ADD1: variants seen among roughly 807,000 people sequenced by gnomAD.
ADD1 encodes the protein adducin 1.
ADD1 carries 24 observed loss-of-function variants against 80.5 expected under a neutral mutation model. That is an observed-to-expected ratio of 0.30 (90% CI 0.22 to 0.42). The LOEUF (loss-of-function observed/expected upper bound fraction) is 0.42, where lower values mean the gene tolerates loss of function less well. Among genes scored for constraint, ADD1 ranks in the 10% least tolerant of loss-of-function variants. The pLI, the probability that ADD1 is intolerant of heterozygous loss-of-function variation, is 1.00. For missense variants in ADD1, 948 were observed against 1,019.0 expected (o/e 0.93, Z 0.95); for synonymous variants, 373 against 393.8 (o/e 0.95, Z 0.63).
intron 1 of ADD1, 154 bp downstream of exon 1, chr4:2,844,178 G>T: frequency 6.6e-6 from 1 of 151,652 alleles, no homozygotes; most frequent in South Asian, 1.8e-4. Context: ...GCGGCGCCGA[G>T]GGCGTCTTGG....
chr4:2,898,905 C>T lies in ADD1; in HGVS notation c.985-354C>T, dbSNP rs142112847. ...CAGAAGTAGAGACTCAGAGACTTGC[C>T]TGCAGCTTACAGCTGTGAGTTCCCC... is the stretch of plus-strand genomic sequence containing the variant. On this transcript the variant is annotated intron_variant, in intron 8 of 15. Coordinates refer to ENST00000683351, the MANE Select transcript of ADD1 (RefSeq NM_001354761.2). 2.2e-4 allele frequency: 85 copies of T among 380,186 alleles called. 1 individual carries two copies. The Middle Eastern group carries it at 8.6e-3, about 39-fold the overall frequency. 23.6% of individuals were successfully genotyped at this position (380,186 alleles called of 1,614,324 possible).
intron 9 of ADD1, chr4:2,900,218 C>T (rs16843553): frequency 0.019 from 2,902 of 152,866 alleles, 59 homozygotes; most frequent in African/African-American, 0.046. Context: ...ATGCAACGTA[C>T]GGTGCACCTT....
At position 2,928,158 on chromosome 4, in the gene ADD1, C is replaced by T. The variant is rs77329634; in HGVS notation, c.2048-13C>T. 8.7e-6 allele frequency: 14 copies of T among 1,612,748 alleles called. No homozygotes were observed. The East Asian group carries it at 1.6e-4, about 18-fold the overall frequency. ...CAGGAACCCTTAATCCCATCTCTCA[C>T]CTCACCCACTAGACCTTGTGCCGGA... is the stretch of plus-strand genomic sequence containing the variant. On this transcript the variant is annotated splice_polypyrimidine_tract_variant and intron_variant, in intron 15 of 15. Coordinates refer to ENST00000683351, the MANE Select transcript of ADD1 (RefSeq NM_001354761.2).
In ADD1 at chr4:2,914,720, A is replaced by G. The variant is rs151240511; in HGVS notation, c.1792-164A>G. 5.2e-5 allele frequency: 36 copies of G among 694,616 alleles called. No individual in the cohort carries two copies. In the East Asian group the frequency reaches 9.5e-4, roughly 18 times the overall value. 43.0% of individuals were successfully genotyped at this position (694,616 alleles called of 1,614,324 possible). On this transcript the variant is annotated intron_variant, in intron 13 of 15. Coordinates refer to ENST00000683351, the MANE Select transcript of ADD1 (RefSeq NM_001354761.2). ...CCTGTGTTTCCATTATATACCACTGAAGGCTGCAGCTCAGCCTAGGCCTCG... is the reference window on the plus strand; with the variant it reads ...CCTGTGTTTCCATTATATACCACTGGAGGCTGCAGCTCAGCCTAGGCCTCG...
chr4:2,888,485 C>CG (rs1450489017), intron 4 of ADD1, among the ~76,000 whole-genome samples: 1 of 151,364 alleles, frequency 6.6e-6, no homozygotes, highest in African/African-American at 2.4e-5. Flanking sequence ...GGCATGATCT[C>CG]GGCTCACTCA....
intron 12 of ADD1, 117 bp downstream of exon 12, chr4:2,908,721 T>A: frequency 1.2e-6 from 1 of 841,868 alleles, no homozygotes; most frequent in Non-Finnish European, 1.9e-6. Context: ...GGCAACCAGT[T>A]ACCTTTGTTA....
At chr4:2,853,034 A>G (rs555803301) in intron 1 of ADD1, 10 of 152,326 alleles carry the variant, frequency 6.6e-5, no homozygotes, top group African/African-American at 1.7e-4. Flanking sequence ...TGTTTAAAGC[A>G]TAATGAATGT....
chr4:2,908,403 G>A, intron 11 of ADD1, 112 bp from the exon 12 acceptor site: 2 of 892,632 alleles, frequency 2.2e-6, no homozygotes, highest in South Asian at 3.0e-5. Flanking sequence ...GGCAGTGGGA[G>A]AGCTGAAATG....
chr4:2,914,886 A>T lies in ADD1; in HGVS notation c.1794A>T (p.Gly598=). Reference sequence around the variant, plus strand: ...CCAGATGTGCCTTTCATCCACAGGGAGAGCTGGTGACGGCCTCCAAGGCCA... The same window carrying T: ...CCAGATGTGCCTTTCATCCACAGGGTGAGCTGGTGACGGCCTCCAAGGCCA... ...SPAKSLSFRK[G]ELVTASKAII... Residue 598 remains glycine, a splice_region_variant and synonymous_variant, in exon 14 of 16, where the codon GGA becomes GGT. Coordinates refer to ENST00000683351, the MANE Select transcript of ADD1 (RefSeq NM_001354761.2). 1 of 1,609,392 alleles carries T rather than the reference A, an allele frequency of 6.2e-7. No homozygotes were observed. The highest frequency in any genetic ancestry group is 8.5e-7 in the Non-Finnish European group (1 of 1,177,484).
At chr4:2,904,620 G>T in intron 9 of ADD1, 144 bp from the exon 10 acceptor site, 1 of 724,632 alleles carries the variant, frequency 1.4e-6, no homozygotes. Context: ...TGCTTCTGTG[G>T]GGTGTAAAAT....
chr4:2,911,230 G>C (rs1737965948), intron 13 of ADD1, among the ~76,000 whole-genome samples: 2 of 152,078 alleles, frequency 1.3e-5, no homozygotes, highest in African/African-American at 4.8e-5. Flanking sequence ...GGGTATTTGG[G>C]ACTTAGGGAG....
At chr4:2,877,333 T>G (rs187079792) in intron 2 of ADD1, among the ~76,000 whole-genome samples, 2 of 152,138 alleles carry the variant, frequency 1.3e-5, no homozygotes, top group Non-Finnish European at 2.9e-5. Context: ...TTGTCTCTTA[T>G]GTGCTGTTTA....
chr4:2,852,581 A>G (rs988332883), intron 1 of ADD1, among the ~76,000 whole-genome samples: 3 of 151,866 alleles, frequency 2.0e-5, no homozygotes. Context: ...TGAAGCACAC[A>G]TACTTTGACA....
rs1256324544 is a variant in ADD1, at chr4:2,926,946, T to A, written c.2047+834T>A. Among the ~76,000 whole-genome samples the A allele has an allele frequency of 6.6e-6, 1 of 152,068 alleles. No homozygotes were observed. The highest frequency in any genetic ancestry group is 2.4e-5 in the African/African-American group (1 of 41,402). On this transcript the variant is annotated intron_variant, in intron 15 of 15. Transcript: ENST00000683351. This position sits in a 1 kb window ranked among gnomAD's most constrained non-coding sequence, Gnocchi z 5.0. ...AGTTCCTACCTCCAGCCTTTGAGGG[T>A]CTCTTTGGATTGCTTGGTGGGAGGG...
At chr4:2,877,863 C>T (rs1453889249) in intron 2 of ADD1, among the ~76,000 whole-genome samples, 1 of 152,174 alleles carries the variant, frequency 6.6e-6, no homozygotes, top group Non-Finnish European at 1.5e-5. Context: ...GCAATCCCAG[C>T]TACTCAGGAG....
chr4:2,877,572 G>A (rs1190567382), intron 2 of ADD1, among the ~76,000 whole-genome samples: 3 of 151,968 alleles, frequency 2.0e-5, no homozygotes, highest in Non-Finnish European at 1.5e-5. Context: ...AATGCAGAAA[G>A]CAGTAGGATG....
At chr4:2,858,841 C>T (rs901476344) in intron 1 of ADD1, among the ~76,000 whole-genome samples, 1 of 152,140 alleles carries the variant, frequency 6.6e-6, no homozygotes, top group Non-Finnish European at 1.5e-5. Flanking sequence ...GAATAATAAA[C>T]ATATTTACTA....
chr4:2,928,481 C>T lies in ADD1; in HGVS notation c.2358C>T (p.Thr786=), dbSNP rs202176832. The T allele has an allele frequency of 2.9e-5, 47 of 1,613,794 alleles. No individual in the cohort carries two copies. Among genetic ancestry groups the T allele is most frequent in the East Asian group, 2.5e-4 (11 of 44,872 alleles). Residue 786 remains threonine (T), a synonymous_variant, in exon 16 of 16, where the codon ACC becomes ACT. Transcript: ENST00000683351. ...SPSKKKKKFR[T]PSFLKKSKKK... is the part of the protein sequence containing the mutation. ...CCAAAAAGAAGAAGAAGTTCCGTAC[C>T]CCGTCCTTTCTGAAGAAGAGCAAGA...
rs1318303181 is a variant in ADD1, at chr4:2,885,816, TAGCC to T, written c.510+1153_510+1156del. Among the ~76,000 whole-genome samples, 277 of 152,182 alleles carry T rather than the reference TAGCC, an allele frequency of 1.8e-3. 1 individual carries two copies. The highest frequency in any genetic ancestry group is 6.5e-3 in the African/African-American group (268 of 41,474). Reference sequence around the variant, plus strand: ...TAGTAGAGACGGGGTTTCACCGTGTTAGCCAGGATGGTCTCGATCTCCTGACCTT... The same window carrying T: ...TAGTAGAGACGGGGTTTCACCGTGTTAGGATGGTCTCGATCTCCTGACCTT... On this transcript the variant is annotated intron_variant, in intron 4 of 15. Transcript: ENST00000683351.
Sources: allele counts gnomAD v4.1 joint callset (sites outside exome capture counted in the v4.1 genomes callset), GRCh38; gene constraint gnomAD v4.1.1; non-coding constraint Gnocchi (gnomAD v3.1); transcripts MANE v1.5; gene names NCBI Gene and HGNC (gene_info 2026-07-23, HGNC 2026-07-21).